Variants in PINX1 observed in about 807,000 individuals in gnomAD.
The protein encoded by PINX1 is PIN2/TERF1-interacting telomerase inhibitor 1.
PINX1 carries 34 observed loss-of-function variants against 25.4 expected under a neutral mutation model. The ratio of observed to expected loss-of-function variants is 1.34; its 90% CI spans 1.02 to 1.78. The LOEUF is 1.78. Ranked by LOEUF, PINX1 falls within the 40% of genes most tolerant of loss-of-function variation. The pLI is 0.00. For missense variants in PINX1, 592 were observed against 404.9 expected (o/e 1.46, Z -3.97); for synonymous variants, 197 against 147.7 (o/e 1.33, Z -2.42).
At chr8:10,806,419 TTG>T (rs1201851858) in intron 6 of PINX1, among the ~76,000 whole-genome samples, 7 of 108,112 alleles carry the variant, frequency 6.5e-5, no homozygotes, top group Non-Finnish European at 9.9e-5. Context: ...TGTTTTCTGT[TTG>T]TGTTTTAAAA....
intron 6 of PINX1, among the ~76,000 whole-genome samples, chr8:10,808,902 T>C (rs1006550537): frequency 2.0e-5 from 3 of 152,104 alleles, no homozygotes; most frequent in Non-Finnish European, 2.9e-5. Flanking sequence ...AAAGGAAAAG[T>C]TGGAAAAAAA....
chr8:10,786,819 T>C (rs1171412730), intron 6 of PINX1, among the ~76,000 whole-genome samples: 1 of 152,174 alleles, frequency 6.6e-6, no homozygotes, highest in African/African-American at 2.4e-5. Context: ...GGAACCAACC[T>C]GCAAACTGCA....
intron 6 of PINX1, chr8:10,787,642 A>C: frequency 3.1e-6 from 1 of 324,254 alleles, no homozygotes; most frequent in East Asian, 7.8e-5. Flanking sequence ...AAAAAGCCAC[A>C]CAAGGGAAAT....
At chr8:10,792,545 T>G (rs994980558) in intron 6 of PINX1, among the ~76,000 whole-genome samples, 1 of 151,940 alleles carries the variant, frequency 6.6e-6, no homozygotes, top group Non-Finnish European at 1.5e-5. Flanking sequence ...CCGCCATCAC[T>G]CAGGAGTGGT....
chr8:10,830,280 G>A (rs1444985531), intron 4 of PINX1, among the ~76,000 whole-genome samples: 1 of 152,174 alleles, frequency 6.6e-6, no homozygotes, highest in South Asian at 2.1e-4. Context: ...AATCTGGTTA[G>A]AAAAAATACC....
At chr8:10,838,622 G>C (rs1006658808) in intron 1 of PINX1, among the ~76,000 whole-genome samples, 1 of 152,252 alleles carries the variant, frequency 6.6e-6, no homozygotes, top group East Asian at 1.9e-4. Context: ...CAAAGAATAC[G>C]AAAACCAGAA....
intron 6 of PINX1, among the ~76,000 whole-genome samples, chr8:10,813,424 G>C (rs948593498): frequency 1.3e-5 from 2 of 152,168 alleles, no homozygotes; most frequent in Non-Finnish European, 2.9e-5. Flanking sequence ...AGGAACTTAA[G>C]GCATTGAATC....
At chr8:10,769,611 C>A (rs1801163105) in intron 6 of PINX1, among the ~76,000 whole-genome samples, 1 of 152,196 alleles carries the variant, frequency 6.6e-6, no homozygotes, top group Non-Finnish European at 1.5e-5. Flanking sequence ...ACCACCGTGC[C>A]AGGCACTTGA....
intron 4 of PINX1, among the ~76,000 whole-genome samples, chr8:10,830,894 C>T (rs796682723): frequency 6.6e-5 from 10 of 152,258 alleles, no homozygotes; most frequent in African/African-American, 1.9e-4. Flanking sequence ...TACGGCAGCT[C>T]CTCAAAAAGT....
intron 6 of PINX1, among the ~76,000 whole-genome samples, chr8:10,815,766 C>A (rs1186197012): frequency 1.3e-5 from 2 of 152,168 alleles, no homozygotes; most frequent in Non-Finnish European, 1.5e-5. Context: ...GTTTAACATA[C>A]CCCTGAAGTT....
chr8:10,801,569 T>G (rs1802264220), intron 6 of PINX1, among the ~76,000 whole-genome samples: 1 of 152,132 alleles, frequency 6.6e-6, no homozygotes. Flanking sequence ...AAACCTCAGT[T>G]TCCTTTTCTG....
intron 6 of PINX1, among the ~76,000 whole-genome samples, chr8:10,793,759 T>G (rs1421916954): frequency 6.6e-6 from 1 of 152,218 alleles, no homozygotes; most frequent in Non-Finnish European, 1.5e-5. Flanking sequence ...ACAAACCATT[T>G]TGCCTCAGGG....
rs550928588 is a variant in PINX1 at position 10,793,089 on chromosome 8, A to G, written c.471+27104T>C. The stretch of plus-strand genomic sequence containing the variant: ...ATCTACTGAGTGCCTACTATGCGCG[A>G]ACACTCTGCTAGGGGTAGATACACA... On this transcript the variant is annotated intron_variant, in intron 6 of 6. Coordinates refer to ENST00000314787, the MANE Select transcript of PINX1 (RefSeq NM_017884.6). Among the ~76,000 whole-genome samples, 12 of 152,248 alleles carry G rather than the reference A, an allele frequency of 7.9e-5. No individual in the cohort carries two copies. In the South Asian group the frequency reaches 2.5e-3, roughly 32 times the overall value.
At chr8:10,804,619 C>A (rs1018408599) in intron 6 of PINX1, among the ~76,000 whole-genome samples, 1 of 151,720 alleles carries the variant, frequency 6.6e-6, no homozygotes, top group Admixed American at 6.6e-5. Context: ...ACACTGGGGC[C>A]GGGGAGGCTA....
At chr8:10,828,917 T>A (rs1798137229) in intron 4 of PINX1, among the ~76,000 whole-genome samples, 1 of 151,956 alleles carries the variant, frequency 6.6e-6, no homozygotes, top group Non-Finnish European at 1.5e-5. Flanking sequence ...CATCAGGAGG[T>A]GCACTGCCAA....
intron 6 of PINX1, among the ~76,000 whole-genome samples, chr8:10,809,892 A>C (rs1438801459): frequency 1.3e-5 from 2 of 152,246 alleles, no homozygotes; most frequent in African/African-American, 2.4e-5. Context: ...TTTATAAAGT[A>C]AAGAGGTTTG....
At chr8:10,799,111 G>C (rs1417856265) in intron 6 of PINX1, among the ~76,000 whole-genome samples, 1 of 143,302 alleles carries the variant, frequency 7.0e-6, no homozygotes, top group Non-Finnish European at 1.6e-5. Context: ...ATAAAACACA[G>C]TATTTAAAAA....
At chr8:10,819,916 G>A (rs1369324475) in intron 6 of PINX1, among the ~76,000 whole-genome samples, 3 of 152,130 alleles carry the variant, frequency 2.0e-5, no homozygotes, top group Non-Finnish European at 4.4e-5. Flanking sequence ...GGCAATGGGT[G>A]TTCTTCCCCA....
chr8:10,832,471 C>G (rs1339544167), intron 3 of PINX1, among the ~76,000 whole-genome samples: 1 of 152,188 alleles, frequency 6.6e-6, no homozygotes, highest in African/African-American at 2.4e-5. Flanking sequence ...TCTGTGTTAT[C>G]TATCCCTCAA....
Sources: gnomAD v4.1 joint callset for allele counts (sites outside exome capture counted in the v4.1 genomes callset) on GRCh38, gnomAD v4.1.1 for gene constraint, MANE v1.5 for transcripts, NCBI Gene and HGNC (gene_info 2026-07-23, HGNC 2026-07-21) for gene names.